The following SLC4A4 variants were observed in gnomAD, a reference collection of about 807,000 sequenced individuals.
SLC4A4 encodes electrogenic sodium bicarbonate cotransporter 1.
Under a neutral mutation model 111.5 loss-of-function variants are expected in SLC4A4, and 27 were observed. That is an observed-to-expected ratio of 0.24 (90% CI 0.18 to 0.33). The LOEUF is 0.33. SLC4A4 is among the 10% of genes least tolerant of loss of function. The probability of loss-of-function intolerance (pLI) is 1.00; values close to 1 mark genes in which losing one functional copy is unlikely to be tolerated. For synonymous variants in SLC4A4, 443 were observed against 463.4 expected (o/e 0.96, Z 0.57); for missense variants, 909 against 1,315.5 (o/e 0.69, Z 4.78).
intron 1 of SLC4A4, among the ~76,000 whole-genome samples, chr4:71,210,553 A>G (rs1222601718): frequency 6.6e-6 from 1 of 152,180 alleles, no homozygotes; most frequent in African/African-American, 2.4e-5. Flanking sequence ...ACAAAATAAC[A>G]TGTTATTTGT....
At chr4:71,481,260 G>C (rs1029998465) in intron 14 of SLC4A4, among the ~76,000 whole-genome samples, 1 of 151,716 alleles carries the variant, frequency 6.6e-6, no homozygotes, top group African/African-American at 2.4e-5. Context: ...ATACATAAAA[G>C]CAGACAGATA....
chr4:71,567,918 C>T lies in SLC4A4; in HGVS notation c.*167C>T. 1 of 1,250,886 alleles carries T rather than the reference C, an allele frequency of 8.0e-7. No homozygotes were observed. The highest frequency in any genetic ancestry group is 1.1e-6 in the Non-Finnish European group (1 of 890,752). 77.5% of individuals were successfully genotyped at this position (1,250,886 alleles called of 1,614,324 possible). On this transcript the variant is annotated 3_prime_UTR_variant, in exon 26 of 26. Transcript: ENST00000264485. ...ACCTGTTTGTCTTTCTTAAAACTGA[C>T]ATTTGTTGTTAATGTCATTTGTTTT...
At chr4:71,123,947 A>G (rs1743497455) in intron 2 of SLC4A4, among the ~76,000 whole-genome samples, 1 of 152,200 alleles carries the variant, frequency 6.6e-6, no homozygotes, top group South Asian at 2.1e-4. Flanking sequence ...TCTGGCAGTC[A>G]CTGAACTCTT....
At chr4:71,435,957 G>T (rs1724097143) in intron 7 of SLC4A4, among the ~76,000 whole-genome samples, 1 of 152,214 alleles carries the variant, frequency 6.6e-6, no homozygotes, top group African/African-American at 2.4e-5. Flanking sequence ...TACACTGTTG[G>T]TGAGAGCATA....
intron 1 of SLC4A4, among the ~76,000 whole-genome samples, chr4:71,197,674 A>T (rs992726629): frequency 1.3e-5 from 2 of 152,208 alleles, no homozygotes; most frequent in African/African-American, 4.8e-5. Context: ...ATGTATACAT[A>T]TGTAACAAAC....
At chr4:71,190,420 A>G (rs1183392952) in intron 1 of SLC4A4, among the ~76,000 whole-genome samples, 1 of 151,432 alleles carries the variant, frequency 6.6e-6, no homozygotes, top group Non-Finnish European at 1.5e-5. Context: ...ACACACACAC[A>G]CACACACACA....
intron 7 of SLC4A4, among the ~76,000 whole-genome samples, chr4:71,432,495 T>G (rs1029224556): frequency 6.6e-6 from 1 of 152,154 alleles, no homozygotes; most frequent in Non-Finnish European, 1.5e-5. Context: ...GGATATTCTT[T>G]TCATATCTGT....
At chr4:71,510,439 C>A (rs1203872702) in intron 16 of SLC4A4, among the ~76,000 whole-genome samples, 1 of 152,122 alleles carries the variant, frequency 6.6e-6, no homozygotes, top group Non-Finnish European at 1.5e-5. Flanking sequence ...TTAATGAAGT[C>A]TGAAATGAAA....
At chr4:71,217,747 G>A (rs1718521346) in intron 1 of SLC4A4, among the ~76,000 whole-genome samples, 1 of 152,144 alleles carries the variant, frequency 6.6e-6, no homozygotes, top group Non-Finnish European at 1.5e-5. Flanking sequence ...TTTGGTATAA[G>A]AGTGGCATCA....
chr4:71,511,614 G>T (rs958676434), intron 16 of SLC4A4, among the ~76,000 whole-genome samples: 1 of 151,824 alleles, frequency 6.6e-6, no homozygotes, highest in African/African-American at 2.4e-5. Context: ...TGTTATATGT[G>T]TATAACAAAA....
Position 71,532,047 on chromosome 4 carries a change from T to G in SLC4A4, c.2167-15T>G. The G allele has an allele frequency of 6.5e-7, 1 of 1,537,996 alleles. No individual in the cohort carries two copies. The highest frequency in any genetic ancestry group is 9.0e-7 in the Non-Finnish European group (1 of 1,111,596). On this transcript the variant is annotated splice_polypyrimidine_tract_variant and intron_variant, in intron 16 of 25. Coordinates refer to ENST00000264485, the MANE Select transcript of SLC4A4 (RefSeq NM_001098484.3). ...TGGTGCTAAATGGTTCCTGGTTTCT[T>G]TTTTATTTTTCCAGGCAAGAAAACT...
intron 1 of SLC4A4, among the ~76,000 whole-genome samples, chr4:71,078,233 A>T (rs536991444): frequency 8.5e-5 from 13 of 152,248 alleles, no homozygotes; most frequent in East Asian, 1.9e-4. Context: ...TCATTCATTC[A>T]TTATTTATTT....
intron 2 of SLC4A4, among the ~76,000 whole-genome samples, chr4:71,103,228 A>G (rs1244179637): frequency 6.7e-6 from 1 of 150,122 alleles, no homozygotes; most frequent in Non-Finnish European, 1.5e-5. Context: ...TAACTATCCT[A>G]AATATATATG....
At chr4:71,270,187 A>C (rs902778216) in intron 3 of SLC4A4, among the ~76,000 whole-genome samples, 2 of 152,174 alleles carry the variant, frequency 1.3e-5, no homozygotes, top group African/African-American at 4.8e-5. Context: ...TCCTGGGTTC[A>C]AGCGATTCTC....
intron 22 of SLC4A4, among the ~76,000 whole-genome samples, chr4:71,558,397 G>A (rs1436148580): frequency 1.3e-5 from 2 of 151,826 alleles, no homozygotes; most frequent in Non-Finnish European, 2.9e-5. Flanking sequence ...CATTTCTTGT[G>A]GTTTGCATAA....
At position 71,335,718 on chromosome 4, in the gene SLC4A4, A is replaced by G. The variant is rs529275559; in HGVS notation, c.254-3652A>G. Among the ~76,000 whole-genome samples the G allele has an allele frequency of 7.8e-3, 1,194 of 152,116 alleles. 16 individuals carry two copies. Among genetic ancestry groups the G allele is most frequent in the African/African-American group, 0.025 (1,056 of 41,498 alleles). On this transcript the variant is annotated intron_variant, in intron 3 of 25. Coordinates refer to ENST00000264485, the MANE Select transcript of SLC4A4 (RefSeq NM_001098484.3). ...TGGGTGCCTGTAGTCCCAGCTACTC[A>G]GGAGGCTGAGGCAGGAGAATGGTGT... is the stretch of plus-strand genomic sequence containing the variant.
chr4:71,455,324 CA>C (rs1726138090), intron 12 of SLC4A4, among the ~76,000 whole-genome samples: 1 of 152,144 alleles, frequency 6.6e-6, no homozygotes, highest in Admixed American at 6.5e-5. Flanking sequence ...ATGAAATAGA[CA>C]GAGCATGTTT....
At chr4:71,358,432 T>A (rs1469046958) in intron 6 of SLC4A4, among the ~76,000 whole-genome samples, 1 of 152,136 alleles carries the variant, frequency 6.6e-6, no homozygotes, top group Non-Finnish European at 1.5e-5. Context: ...GTGGAGTAAC[T>A]GAATTGCAAC....
At chr4:71,562,138 CTG>C (rs1737033940) in intron 23 of SLC4A4, among the ~76,000 whole-genome samples, 1 of 151,754 alleles carries the variant, frequency 6.6e-6, no homozygotes, top group Admixed American at 6.6e-5. Flanking sequence ...ATGTTCAACT[CTG>C]TGTTTCCAAC....
Sources: allele counts gnomAD v4.1 joint callset (sites outside exome capture counted in the v4.1 genomes callset), GRCh38; gene constraint gnomAD v4.1.1; transcripts MANE v1.5; gene names NCBI Gene and HGNC (gene_info 2026-07-23, HGNC 2026-07-21).